The following HEATR3 variants were observed in gnomAD, a reference collection of about 807,000 sequenced individuals.
The protein encoded by HEATR3 is HEAT repeat containing 3.
A neutral mutation model predicts 72.8 loss-of-function variants in HEATR3; 56 were observed. The observed-to-expected ratio is 0.77, with a 90% CI of 0.62 to 0.96. HEATR3 has a LOEUF of 0.96. Ranked by LOEUF, HEATR3 falls within the 40% of genes least tolerant of loss-of-function variation. The pLI is 0.00. For missense variants in HEATR3, 747 were observed against 831.4 expected (o/e 0.90, Z 1.25); for synonymous variants, 331 against 318.1 (o/e 1.04, Z -0.43).
Position 50,066,357 on chromosome 16 carries a change from T to G in HEATR3, c.139-10T>G. 1 of 1,553,748 alleles carries G rather than the reference T, an allele frequency of 6.4e-7. No homozygotes were observed. Among genetic ancestry groups the G allele is most frequent in the Non-Finnish European group, 8.6e-7 (1 of 1,160,408 alleles). On this transcript the variant is annotated splice_polypyrimidine_tract_variant and intron_variant, in intron 1 of 14. Coordinates refer to ENST00000299192, the MANE Select transcript of HEATR3 (RefSeq NM_182922.4). ...GCGCGCCTTCTGACCCTTTTCGCTC[T>G]CATCCGCAGCTCCAGCACCCGAGCG... is the stretch of plus-strand genomic sequence containing the variant.
intron 11 of HEATR3, among the ~76,000 whole-genome samples, chr16:50,089,691 T>C (rs2037065749): frequency 6.6e-6 from 1 of 152,030 alleles, no homozygotes; most frequent in Non-Finnish European, 1.5e-5. Flanking sequence ...TTATTTGAGA[T>C]GGAGTCTTAC....
chr16:50,065,989 T>G lies in HEATR3; in HGVS notation c.-143T>G. The G allele has an allele frequency of 1.8e-5, 5 of 284,796 alleles. No individual in the cohort carries two copies. Among genetic ancestry groups the G allele is most frequent in the Non-Finnish European group, 2.1e-5 (4 of 192,792 alleles). The allele number at this position is 284,796 out of a possible 1,614,324, so 17.6% of individuals were successfully genotyped here. On this transcript the variant is annotated 5_prime_UTR_variant, in exon 1 of 15. Coordinates refer to ENST00000299192, the MANE Select transcript of HEATR3 (RefSeq NM_182922.4). ...CCCGGCAGACGACGCGCCGTGCGCC[T>G]GCGCACGGCTTGCCCATGTGTGCTG...
intron 6 of HEATR3, 105 bp downstream of exon 6, chr16:50,075,816 G>A: frequency 1.1e-6 from 1 of 909,468 alleles, no homozygotes; most frequent in Non-Finnish European, 1.7e-6. Flanking sequence ...GGTCTTCTGT[G>A]CTTTTATCTG....
chr16:50,086,931 A>G (rs2037001107), intron 11 of HEATR3, among the ~76,000 whole-genome samples: 2 of 152,076 alleles, frequency 1.3e-5, no homozygotes, highest in Admixed American at 1.3e-4. Context: ...CTCCATCTCA[A>G]AATAATAATA....
At chr16:50,092,493 G>C (rs1371616955) in intron 11 of HEATR3, among the ~76,000 whole-genome samples, 1 of 144,554 alleles carries the variant, frequency 6.9e-6, no homozygotes, top group Non-Finnish European at 1.5e-5. Context: ...CTGGAGTGCA[G>C]TGGCGCGATC....
At chr16:50,098,915 G>T (rs987120308) in intron 12 of HEATR3, among the ~76,000 whole-genome samples, 9 of 151,738 alleles carry the variant, frequency 5.9e-5, no homozygotes, top group African/African-American at 2.2e-4. Flanking sequence ...CAATGCTCTT[G>T]TTATTGCCAA....
rs114863835 is a variant in HEATR3, at chr16:50,105,914, C to T, written c.*853C>T. 3 of 152,162 alleles carry T rather than the reference C, an allele frequency of 2.0e-5. No individual in the cohort carries two copies. Among genetic ancestry groups the T allele is most frequent in the African/African-American group, 4.8e-5 (2 of 41,498 alleles). 9.4% of individuals were successfully genotyped at this position (152,162 alleles called of 1,614,324 possible). On this transcript the variant is annotated 3_prime_UTR_variant, in exon 15 of 15. Coordinates refer to ENST00000299192, the MANE Select transcript of HEATR3 (RefSeq NM_182922.4). ...GATGAGATCTGTGTGGCATTTCTAGCGCTCTCTAAATTATGTCTCTGGCAT... is the reference window on the plus strand; with the variant it reads ...GATGAGATCTGTGTGGCATTTCTAGTGCTCTCTAAATTATGTCTCTGGCAT...
intron 3 of HEATR3, chr16:50,069,140 T>C (rs539675499): frequency 2.3e-5 from 6 of 257,344 alleles, no homozygotes; most frequent in Non-Finnish European, 3.0e-5. Context: ...AATTAGTATT[T>C]AGTCATTGCT....
intron 4 of HEATR3, among the ~76,000 whole-genome samples, 162 bp from the exon 5 acceptor site, chr16:50,072,443 G>A (rs1194944304): frequency 6.6e-6 from 1 of 152,236 alleles, no homozygotes; most frequent in African/African-American, 2.4e-5. Flanking sequence ...CATGTACAGT[G>A]AATGTGAATG....
chr16:50,078,608 A>G (rs2036792290), intron 6 of HEATR3, 133 bp from the exon 7 acceptor site: 1 of 808,932 alleles, frequency 1.2e-6, no homozygotes, highest in Non-Finnish European at 1.9e-6. Context: ...TATTTAATAA[A>G]TAATGAACAA....
intron 4 of HEATR3, among the ~76,000 whole-genome samples, chr16:50,071,774 G>A (rs1239202303): frequency 6.6e-6 from 1 of 152,266 alleles, no homozygotes; most frequent in East Asian, 1.9e-4. Context: ...AGCTCTGTTA[G>A]CGTGTCATGT....
intron 11 of HEATR3, among the ~76,000 whole-genome samples, chr16:50,092,957 G>A (rs186872053): frequency 6.8e-4 from 103 of 152,290 alleles, no homozygotes; most frequent in African/African-American, 2.4e-3. Context: ...GTGTGGAAAG[G>A]CCTCTGTGAG....
chr16:50,104,917 A>T (rs774672566), intron 14 of HEATR3, 22 bp from the exon 15 acceptor site: 2 of 1,565,742 alleles, frequency 1.3e-6, no homozygotes, highest in South Asian at 2.4e-5. Flanking sequence ...GTCATATATG[A>T]TTTTTTGTTT....
rs139251042 is a variant in HEATR3 at position 50,089,452 on chromosome 16, G to A, written c.1510+3101G>A. Among the ~76,000 whole-genome samples, 64 of 152,164 alleles carry A rather than the reference G, an allele frequency of 4.2e-4. 1 individual carries two copies. In the East Asian group the frequency reaches 0.012, roughly 28 times the overall value. ...TGGATGGTTACTGCTGGGGGAAGAG[G>A]GCCATTACAATACCTCTGGGCTGTC... On this transcript the variant is annotated intron_variant, in intron 11 of 14. Transcript: ENST00000299192.
At chr16:50,066,315 C>A (rs760696550) in intron 1 of HEATR3, 46 bp downstream of exon 1, 52 of 1,567,920 alleles carry the variant, frequency 3.3e-5, no homozygotes, top group Non-Finnish European at 4.4e-5. Context: ...CGAGGTTGCC[C>A]CGCGCGCGTG....
At chr16:50,074,675 C>G (rs2036683865) in intron 5 of HEATR3, 1 of 151,624 alleles carries the variant, frequency 6.6e-6, no homozygotes, top group Non-Finnish European at 1.5e-5. Context: ...ATAGTAACGA[C>G]ATTGCCGCAT....
chr16:50,070,936 A>G (rs919146451), intron 4 of HEATR3, among the ~76,000 whole-genome samples: 1 of 152,130 alleles, frequency 6.6e-6, no homozygotes, highest in Non-Finnish European at 1.5e-5. Flanking sequence ...TCAGTCCCAC[A>G]TGCAGGTGCA....
chr16:50,071,424 G>A (rs1436510355), intron 4 of HEATR3, among the ~76,000 whole-genome samples: 3 of 152,112 alleles, frequency 2.0e-5, no homozygotes, highest in African/African-American at 7.2e-5. Context: ...AAAACTGATG[G>A]GTGCTGTTTT....
chr16:50,102,223 G>T, intron 13 of HEATR3, 36 bp from the exon 14 acceptor site: 4 of 1,578,016 alleles, frequency 2.5e-6, no homozygotes, highest in Non-Finnish European at 3.5e-6. Flanking sequence ...TTGGAGACTG[G>T]TGTTAGTCAT....
Sources: gnomAD v4.1 joint callset for allele counts (sites outside exome capture counted in the v4.1 genomes callset) on GRCh38, gnomAD v4.1.1 for gene constraint, MANE v1.5 for transcripts, NCBI Gene and HGNC (gene_info 2026-07-23, HGNC 2026-07-21) for gene names.